MCM2: variants seen among roughly 807,000 people sequenced by gnomAD.
The protein encoded by MCM2 is minichromosome maintenance complex component 2, also known as DNA replication licensing factor MCM2.
Under a neutral mutation model 86.4 loss-of-function variants are expected in MCM2, and 49 were observed. The observed-to-expected ratio is 0.57, with a 90% CI of 0.45 to 0.72. The LOEUF is 0.72. Ranked by LOEUF, MCM2 falls within the 30% of genes least tolerant of loss-of-function variation. The probability of loss-of-function intolerance (pLI) is 0.00; values close to 1 mark genes in which losing one functional copy is unlikely to be tolerated. For synonymous variants in MCM2, 475 were observed against 484.6 expected (o/e 0.98, Z 0.26); for missense variants, 1,038 against 1,259.9 (o/e 0.82, Z 2.67).
chr3:127,617,019 G>A lies in MCM2; in HGVS notation c.1674G>A (p.Ala558=), dbSNP rs376837416. The change falls in exon 10 of 16, where the codon GCG becomes GCA. Residue 558 remains alanine, a synonymous_variant. Coordinates refer to ENST00000265056, the MANE Select transcript of MCM2 (RefSeq NM_004526.4). The surrounding 1 kb of genome is among the most constrained non-coding windows in gnomAD (Gnocchi z 4.1). The part of the protein sequence containing the change: ...GQGASAVGLT[A]YVQRHPVSRE... The stretch of plus-strand genomic sequence containing the variant: ...GGGCGTCGGCTGTGGGCCTCACGGC[G>A]TATGTCCAGCGGCACCCTGTCAGCA... The A allele has an allele frequency of 5.4e-5, 87 of 1,614,198 alleles. No individual in the cohort carries two copies. Among genetic ancestry groups the A allele is most frequent in the East Asian group, 1.1e-4 (5 of 44,894 alleles).
rs2107697076 is a variant in MCM2 at position 127,620,698 on chromosome 3, G to A, written c.2266G>A (p.Ala756Thr). ...MYSDLRKESM[A>T]TGSIPITVRH... ...GACCTGACACTGTGCTTCTCTCCAG[G>A]CGACAGGCAGCATCCCCATTACGGT... is the stretch of plus-strand genomic sequence containing the variant. The change falls in exon 14 of 16, where the codon GCG becomes ACG. Residue 756 changes from alanine to threonine, a missense_variant and splice_region_variant. Physicochemically the swap from Ala to Thr is moderately conservative, Grantham distance 58. Around this residue, in one of 4 missense-constraint regions of MCM2, gnomAD observed 336 missense variants for 425.7 expected, o/e 0.79. Coordinates refer to ENST00000265056, the MANE Select transcript of MCM2 (RefSeq NM_004526.4). 5.7e-6 allele frequency: 9 copies of A among 1,586,154 alleles called. No individual in the cohort carries two copies. The highest frequency in any genetic ancestry group is 1.8e-5 in the Admixed American group (1 of 57,096).
intron 8 of MCM2, among the ~76,000 whole-genome samples, chr3:127,611,353 C>T (rs1053798276): frequency 6.6e-6 from 1 of 152,210 alleles, no homozygotes; most frequent in Non-Finnish European, 1.5e-5. Context: ...TCTCTTCTGG[C>T]ACCTTCTCTT....
intron 15 of MCM2, 27 bp downstream of exon 15, chr3:127,621,255 T>C: frequency 4.3e-6 from 7 of 1,611,264 alleles, no homozygotes; most frequent in Non-Finnish European, 5.9e-6. Flanking sequence ...GAGGTGAGGG[T>C]TGGGGTATGC....
chr3:127,621,614 A>G (rs752190588), intron 15 of MCM2, 49 bp from the exon 16 acceptor site: 1 of 1,248,412 alleles, frequency 8.0e-7, no homozygotes, highest in Non-Finnish European at 1.2e-6. Context: ...CTCTGGAAAC[A>G]GCCTGTTCTC....
chr3:127,613,601 A>G (rs1215266480), intron 8 of MCM2, among the ~76,000 whole-genome samples: 3 of 152,214 alleles, frequency 2.0e-5, no homozygotes, highest in Non-Finnish European at 4.4e-5. Context: ...GTATTGTGCC[A>G]ACAGTTGGTG....
Position 127,606,515 on chromosome 3 carries a change from G to C in MCM2, c.894-95G>C. The C allele has an allele frequency of 1.5e-6, 2 of 1,316,024 alleles. No homozygotes were observed. The highest frequency in any genetic ancestry group is 2.1e-6 in the Non-Finnish European group (2 of 932,038). The allele number at this position is 1,316,024 out of a possible 1,614,324, so 81.5% of individuals were successfully genotyped here. A position where few individuals can be genotyped will look rare whatever the true frequency, so the allele number is the denominator to read the frequency against. On this transcript the variant is annotated intron_variant, in intron 5 of 15. Coordinates refer to ENST00000265056, the MANE Select transcript of MCM2 (RefSeq NM_004526.4). This position sits in a 1 kb window ranked among gnomAD's most constrained non-coding sequence, Gnocchi z 4.2. ...GAGGGATCTTCCCGGGCTGGGGGCT[G>C]GGCCCAATTTCCAGGACAGTGTGTT...
chr3:127,619,000 G>A lies in MCM2; in HGVS notation c.2014-27G>A. 1 of 1,554,558 alleles carries A rather than the reference G, an allele frequency of 6.4e-7. No individual in the cohort carries two copies. ...CCAAAGCCACGCACACCCACAATCA[G>A]ACCCACCCTCTCATGGCTTATCTTA... On this transcript the variant is annotated intron_variant, in intron 12 of 15. Coordinates refer to ENST00000265056, the MANE Select transcript of MCM2 (RefSeq NM_004526.4). This position sits in a 1 kb window ranked among gnomAD's most constrained non-coding sequence, Gnocchi z 4.0.
chr3:127,606,503 G>A lies in MCM2; in HGVS notation c.894-107G>A, dbSNP rs1438720902. ...GGAGTGTGATGGGAGGGATCTTCCCGGGCTGGGGGCTGGGCCCAATTTCCA... is the reference window on the plus strand; with the variant it reads ...GGAGTGTGATGGGAGGGATCTTCCCAGGCTGGGGGCTGGGCCCAATTTCCA... On this transcript the variant is annotated intron_variant, in intron 5 of 15. Transcript: ENST00000265056. The surrounding 1 kb of genome is among the most constrained non-coding windows in gnomAD (Gnocchi z 4.2). The A allele has an allele frequency of 7.3e-6, 9 of 1,234,048 alleles. No individual in the cohort carries two copies. In the East Asian group the frequency reaches 1.0e-4, roughly 14 times the overall value. 76.4% of individuals were successfully genotyped at this position (1,234,048 alleles called of 1,614,324 possible).
Position 127,607,537 on chromosome 3 carries a change from G to A in MCM2, c.1101+720G>A, listed in dbSNP as rs563984732. Among the ~76,000 whole-genome samples, 5 of 152,302 alleles carry A rather than the reference G, an allele frequency of 3.3e-5. No homozygotes were observed. In the South Asian group the frequency reaches 8.3e-4, roughly 25 times the overall value. ...GCCACCTACAGCCAAAAGCTGACCC[G>A]TCTCGTCTCGGGTGGGGCAGCTGCA... On this transcript the variant is annotated intron_variant, in intron 6 of 15. Coordinates refer to ENST00000265056, the MANE Select transcript of MCM2 (RefSeq NM_004526.4).
rs779541634 is a variant in MCM2 at position 127,617,957 on chromosome 3, C to T, written c.1901-12C>T. The T allele has an allele frequency of 6.2e-7, 1 of 1,607,966 alleles. No individual in the cohort carries two copies. The highest frequency in any genetic ancestry group is 8.5e-7 in the Non-Finnish European group (1 of 1,175,636). On this transcript the variant is annotated splice_polypyrimidine_tract_variant and intron_variant, in intron 11 of 15. Transcript: ENST00000265056. This position sits in a 1 kb window ranked among gnomAD's most constrained non-coding sequence, Gnocchi z 4.1. ...GAATCCACCCTGATGGAGGTGCTCC[C>T]CTGTGTTTCAGGAGGGCGCTACGAC...
intron 8 of MCM2, among the ~76,000 whole-genome samples, chr3:127,610,312 A>G (rs1315400606): frequency 1.3e-5 from 2 of 152,178 alleles, no homozygotes; most frequent in East Asian, 3.9e-4. Flanking sequence ...AGGAGCCATC[A>G]CTGGCTTAAT....
At position 127,608,532 on chromosome 3, in the gene MCM2, A is replaced by T. The variant is rs1318558093; in HGVS notation, c.1236+16A>T. 6.2e-7 allele frequency: 1 copy of T among 1,613,662 alleles called. No homozygotes were observed. On this transcript the variant is annotated intron_variant, in intron 7 of 15. Coordinates refer to ENST00000265056, the MANE Select transcript of MCM2 (RefSeq NM_004526.4). ...AGACGAGATAGTAAGTGGCCGGGGC[A>T]GGCTGGGAGGGAGCCAAGTTGCAGA...
intron 8 of MCM2, among the ~76,000 whole-genome samples, chr3:127,615,319 G>T (rs965443530): frequency 7.9e-5 from 12 of 152,174 alleles, no homozygotes; most frequent in African/African-American, 2.7e-4. Context: ...CTCTCTCCCT[G>T]TCTCTTTCTT....
intron 8 of MCM2, among the ~76,000 whole-genome samples, chr3:127,610,369 G>A (rs1682646324): frequency 1.3e-5 from 2 of 152,180 alleles, no homozygotes; most frequent in Non-Finnish European, 2.9e-5. Context: ...GAGTAATTTT[G>A]AAGGAATGGA....
chr3:127,598,854 A>T lies in MCM2; in HGVS notation c.6+382A>T, dbSNP rs17496866. The T allele has an allele frequency of 7.6e-3, 2,812 of 367,922 alleles. 57 individuals are homozygous for T. The highest frequency in any genetic ancestry group is 0.046 in the African/African-American group (2,125 of 46,496). 22.8% of individuals were successfully genotyped at this position (367,922 alleles called of 1,614,324 possible). ...CAAACACTACACTTACTTTTGTATT[A>T]CCTTCTTGTCCCTTTGTCTTGTATA... On this transcript the variant is annotated intron_variant, in intron 1 of 15. Transcript: ENST00000265056.
rs1316775347 is a variant in MCM2 at position 127,606,648 on chromosome 3, T to C, written c.932T>C (p.Val311Ala). ...AACCAGCTGATCCGCACCAGTGGGG[T>C]GGTGACCAGCTGCACTGGCGTCCTG... Reference protein sequence around the residue: ...HLNQLIRTSGVVTSCTGVLPQ... With the variant: ...HLNQLIRTSGAVTSCTGVLPQ... Residue 311 changes from valine (V) to alanine (A), a missense_variant, in exon 6 of 16, where the codon GTG (valine) becomes GCG (alanine). By Grantham distance (64) the Val-to-Ala change is moderately conservative. Coordinates refer to ENST00000265056, the MANE Select transcript of MCM2 (RefSeq NM_004526.4). This position sits in a 1 kb window ranked among gnomAD's most constrained non-coding sequence, Gnocchi z 4.2. The C allele has an allele frequency of 6.2e-7, 1 of 1,614,062 alleles. No individual in the cohort carries two copies. The highest frequency in any genetic ancestry group is 8.5e-7 in the Non-Finnish European group (1 of 1,180,026).
intron 4 of MCM2, among the ~76,000 whole-genome samples, chr3:127,605,420 A>G (rs1177079362): frequency 6.6e-6 from 1 of 150,982 alleles, no homozygotes; most frequent in East Asian, 1.9e-4. Context: ...TGATCTTTGT[A>G]ATAGGAATTG....
Position 127,615,881 on chromosome 3 carries a change from C to G in MCM2, c.1448C>G (p.Pro483Arg). Reference protein sequence around the residue: ...IGEKIFASIAPSIYGHEDIKR... With the variant: ...IGEKIFASIARSIYGHEDIKR... ...TCTCAGATCTTTGCCAGCATTGCTC[C>G]TTCCATCTATGGTCATGAAGACATC... Residue 483 changes from proline to arginine, a missense_variant, in exon 9 of 16, where the codon CCT becomes CGT. Physicochemically the swap from Pro to Arg is moderately radical, Grantham distance 103. Around this residue, in one of 4 missense-constraint regions of MCM2, gnomAD observed 399 missense variants for 507.2 expected, o/e 0.79. Coordinates refer to ENST00000265056, the MANE Select transcript of MCM2 (RefSeq NM_004526.4). 1 of 1,614,068 alleles carries G rather than the reference C, an allele frequency of 6.2e-7. No homozygotes were observed. Among genetic ancestry groups the G allele is most frequent in the South Asian group, 1.1e-5 (1 of 91,080 alleles).
Position 127,606,863 on chromosome 3 carries a change from C to T in MCM2, c.1101+46C>T, listed in dbSNP as rs1418038576. On this transcript the variant is annotated intron_variant, in intron 6 of 15. Coordinates refer to ENST00000265056, the MANE Select transcript of MCM2 (RefSeq NM_004526.4). The surrounding 1 kb of genome is among the most constrained non-coding windows in gnomAD (Gnocchi z 4.2). ...TGCTGCCAGCTGTCCTTAGGGGTGCCCAGTATGCAGGACCTGACTGGCCTC... is the reference window on the plus strand; with the variant it reads ...TGCTGCCAGCTGTCCTTAGGGGTGCTCAGTATGCAGGACCTGACTGGCCTC... 2 of 1,589,510 alleles carry T rather than the reference C, an allele frequency of 1.3e-6. No homozygotes were observed. The highest frequency in any genetic ancestry group is 2.2e-5 in the South Asian group (2 of 90,538).
Sources: gnomAD v4.1 joint callset for allele counts (sites outside exome capture counted in the v4.1 genomes callset) on GRCh38, gnomAD v4.1.1 for gene constraint, gnomAD v4.1.1 regional missense constraint, Gnocchi (gnomAD v3.1) non-coding constraint, MANE v1.5 for transcripts, NCBI Gene and HGNC (gene_info 2026-07-23, HGNC 2026-07-21) for gene names.